Variants in RUBCN observed in about 807,000 individuals in gnomAD.
RUBCN encodes run domain Beclin-1-interacting and cysteine-rich domain-containing protein.
RUBCN carries 74 observed loss-of-function variants against 113.2 expected under a neutral mutation model. The observed-to-expected ratio is 0.65, with a 90% CI of 0.54 to 0.79. The LOEUF is 0.79. Ranked by LOEUF, RUBCN falls within the 30% of genes least tolerant of loss-of-function variation. The pLI, the probability that RUBCN is intolerant of heterozygous loss-of-function variation, is 0.00. For missense variants in RUBCN, 1,109 were observed against 1,251.7 expected, an observed-to-expected ratio of 0.89 and a Z score of 1.72; for synonymous variants, 480 against 490.0, an observed-to-expected ratio of 0.98 and a Z score of 0.27.
chr3:197,736,906 C>T (rs1728210460), upstream of RUBCN: 1 of 1,361,204 alleles, frequency 7.3e-7, no homozygotes, highest in Non-Finnish European at 9.4e-7. Context: ...CCCGGCCACC[C>T]CCACTTCCGG....
At position 197,674,982 on chromosome 3, in the gene RUBCN, T is replaced by C; in HGVS notation, c.*36A>G. 6.2e-7 allele frequency: 1 copy of C among 1,602,098 alleles called. No homozygotes were observed. Among genetic ancestry groups the C allele is most frequent in the Non-Finnish European group, 8.5e-7 (1 of 1,178,726 alleles). ...GAGTGGCTCAGTTCTGCAACAGGTGTGACCCGGCCCGGAGGGAGGGCTGCA... is the reference window on the plus strand; with the variant it reads ...GAGTGGCTCAGTTCTGCAACAGGTGCGACCCGGCCCGGAGGGAGGGCTGCA... On this transcript the variant is annotated 3_prime_UTR_variant, in exon 20 of 20. Transcript: ENST00000296343.
chr3:197,749,787 G>C, upstream of RUBCN: 1 of 499,178 alleles, frequency 2.0e-6, no homozygotes. Context: ...GTCACGGCGC[G>C]GGGCCGCTCT....
In RUBCN at chr3:197,677,236, A is replaced by G. The variant is rs146550277; in HGVS notation, c.2493-198T>C. Among the ~76,000 whole-genome samples, 830 of 152,358 alleles carry G rather than the reference A, an allele frequency of 5.4e-3. 6 individuals carry two copies. The highest frequency in any genetic ancestry group is 0.017 in the South Asian group (83 of 4,832). ...GAGTGACTGATTTATAGGCTCCTGC[A>G]GAGTGGCCCATGTGAGACCCAGCCT... On this transcript the variant is annotated intron_variant, in intron 17 of 19. Coordinates refer to ENST00000296343, the MANE Select transcript of RUBCN (RefSeq NM_014687.4).
In RUBCN at chr3:197,677,054, G is replaced by A. The variant is rs1720522370; in HGVS notation, c.2493-16C>T. On this transcript the variant is annotated splice_polypyrimidine_tract_variant and intron_variant, in intron 17 of 19. Transcript: ENST00000296343. ...ATCCAGAAGCCTACAGGGAGTGACAGGAGGCAGGTGAGGGAATGAACAGTG... is the reference window on the plus strand; with the variant it reads ...ATCCAGAAGCCTACAGGGAGTGACAAGAGGCAGGTGAGGGAATGAACAGTG... The A allele has an allele frequency of 1.2e-6, 2 of 1,612,212 alleles. No individual in the cohort carries two copies. The highest frequency in any genetic ancestry group is 8.5e-7 in the Non-Finnish European group (1 of 1,179,386).
chr3:197,715,569 A>T (rs576656910), intron 2 of RUBCN, among the ~76,000 whole-genome samples: 1 of 152,294 alleles, frequency 6.6e-6, no homozygotes, highest in South Asian at 2.1e-4. Flanking sequence ...AATGCTTTAC[A>T]TACCACACCA....
intron 14 of RUBCN, 56 bp downstream of exon 14, chr3:197,682,414 G>A (rs1337292472): frequency 6.2e-7 from 1 of 1,607,232 alleles, no homozygotes; most frequent in African/African-American, 1.3e-5. Flanking sequence ...CGAAAACCCT[G>A]ACAATCCAAA....
chr3:197,676,765 C>T, intron 18 of RUBCN, 120 bp downstream of exon 18: 1 of 1,577,542 alleles, frequency 6.3e-7, no homozygotes, highest in Non-Finnish European at 8.6e-7. Context: ...AGTTCCTCTC[C>T]CAGTGCTGAC....
In RUBCN at chr3:197,676,931, A is replaced by G; in HGVS notation, c.2600T>C (p.Leu867Pro). Residue 867 changes from leucine to proline, a missense_variant, in exon 18 of 20, where the codon CTT becomes CCT. Coordinates refer to ENST00000296343, the MANE Select transcript of RUBCN (RefSeq NM_014687.4). ...AGCCCCTGCCCTGGTGAGCTCAGCAAGCCGGGGCCCCAGCTCCCCCTTCCT... is the reference window on the plus strand; with the variant it reads ...AGCCCCTGCCCTGGTGAGCTCAGCAGGCCGGGGCCCCAGCTCCCCCTTCCT... ...ATRKGELGPR[L>P]AELTRAGATH... 6.2e-7 allele frequency: 1 copy of G among 1,614,232 alleles called. No individual in the cohort carries two copies. The highest frequency in any genetic ancestry group is 8.5e-7 in the Non-Finnish European group (1 of 1,180,052).
At chr3:197,717,243 A>G (rs1229515286) in intron 2 of RUBCN, among the ~76,000 whole-genome samples, 1 of 151,908 alleles carries the variant, frequency 6.6e-6, no homozygotes, top group Non-Finnish European at 1.5e-5. Flanking sequence ...GACCACTGAG[A>G]CCATCCTGGC....
In RUBCN at chr3:197,695,856, G is replaced by T. The variant is rs199874654; in HGVS notation, c.1473+10C>A. The T allele has an allele frequency of 6.2e-7, 1 of 1,613,196 alleles. No individual in the cohort carries two copies. The highest frequency in any genetic ancestry group is 8.5e-7 in the Non-Finnish European group (1 of 1,179,228). On this transcript the variant is annotated intron_variant, in intron 9 of 19. Transcript: ENST00000296343. Reference sequence around the variant, plus strand: ...CTCATGAGCTCTTCATGAGGCCCTCGATTTCCCACCTTTTCCAGGTCGGCA... The same window carrying T: ...CTCATGAGCTCTTCATGAGGCCCTCTATTTCCCACCTTTTCCAGGTCGGCA...
intron 8 of RUBCN, among the ~76,000 whole-genome samples, chr3:197,696,372 C>CAAAAA (rs990625896): frequency 8.1e-6 from 1 of 123,758 alleles, no homozygotes; most frequent in African/African-American, 2.9e-5. Context: ...AACTCTGTCT[C>CAAAAA]AAAAAAAAAA....
chr3:197,676,376 T>C (rs1259726866), intron 18 of RUBCN: 47 of 968,638 alleles, frequency 4.9e-5, no homozygotes, highest in Non-Finnish European at 5.6e-5. Context: ...TGCAGTGGCA[T>C]GATCTCGGCT....
intron 7 of RUBCN, 78 bp downstream of exon 7, chr3:197,700,535 A>G: frequency 7.0e-7 from 1 of 1,424,620 alleles, no homozygotes; most frequent in Non-Finnish European, 9.9e-7. Flanking sequence ...CTGCCACCTG[A>G]AAAGTCCCCA....
At chr3:197,715,956 A>G (rs1725468611) in intron 2 of RUBCN, among the ~76,000 whole-genome samples, 1 of 152,216 alleles carries the variant, frequency 6.6e-6, no homozygotes, top group Admixed American at 6.5e-5. Context: ...TTCAAAAAGA[A>G]TCACAGGAAG....
At chr3:197,721,893 C>T (rs1726209393) in intron 1 of RUBCN, among the ~76,000 whole-genome samples, 1 of 152,088 alleles carries the variant, frequency 6.6e-6, no homozygotes, top group African/African-American at 2.4e-5. Context: ...TGTATAGTTT[C>T]CTAAGTTGTT....
At position 197,675,305 on chromosome 3, in the gene RUBCN, TG is replaced by T; in HGVS notation, c.2741-110del. The stretch of plus-strand genomic sequence containing the variant: ...CTCGCCACCAAGGCGTGGTGTCCCC[TG>T]GGGAGGCCCCGCGAGGTGCTGAGTG... On this transcript the variant is annotated intron_variant, in intron 19 of 19. Coordinates refer to ENST00000296343, the MANE Select transcript of RUBCN (RefSeq NM_014687.4). This position sits in a 1 kb window ranked among gnomAD's most constrained non-coding sequence, Gnocchi z 4.4. 2 of 1,522,692 alleles carry T rather than the reference TG, an allele frequency of 1.3e-6. No homozygotes were observed. The highest frequency in any genetic ancestry group is 1.1e-5 in the South Asian group (1 of 88,984). 94.3% of individuals were successfully genotyped at this position (1,522,692 alleles called of 1,614,324 possible). A position where few individuals can be genotyped will look rare whatever the true frequency, so the allele number is the denominator to read the frequency against.
intron 1 of RUBCN, among the ~76,000 whole-genome samples, chr3:197,747,467 T>C (rs1258198256): frequency 6.6e-6 from 1 of 151,864 alleles, no homozygotes; most frequent in African/African-American, 2.4e-5. Context: ...GTGATCCACC[T>C]GCCTCGGCCT....
At chr3:197,733,309 C>CA (rs1727734571) in intron 1 of RUBCN, among the ~76,000 whole-genome samples, 1 of 151,964 alleles carries the variant, frequency 6.6e-6, no homozygotes, top group South Asian at 2.1e-4. Flanking sequence ...TCTGTCACTA[C>CA]AAAAAATCTG....
Position 197,700,820 on chromosome 3 carries a change from T to C in RUBCN, c.1054A>G (p.Asn352Asp). The change falls in exon 7 of 20, where the codon AAT becomes GAT. Residue 352 changes from asparagine (N) to aspartate (D), a missense_variant. Coordinates refer to ENST00000296343, the MANE Select transcript of RUBCN (RefSeq NM_014687.4). The stretch of plus-strand genomic sequence containing the variant: ...TGGGAGCTGCTGGAGGAGAACAAAT[T>C]GGAACTGCTGCTCTCGGCATTGCTG... ...HSSNAESSSS[N>D]LFSSSSSQKP... The C allele has an allele frequency of 6.2e-7, 1 of 1,614,144 alleles. No homozygotes were observed. The highest frequency in any genetic ancestry group is 8.5e-7 in the Non-Finnish European group (1 of 1,180,024).
Sources: allele counts gnomAD v4.1 joint callset (sites outside exome capture counted in the v4.1 genomes callset), GRCh38; gene constraint gnomAD v4.1.1; non-coding constraint Gnocchi (gnomAD v3.1); transcripts MANE v1.5; gene names NCBI Gene and HGNC (gene_info 2026-07-23, HGNC 2026-07-21).